AGO3: variants seen among roughly 807,000 people sequenced by gnomAD.
The protein encoded by AGO3 is argonaute RISC catalytic component 3, also known as protein argonaute-3.
AGO3 carries 16 observed loss-of-function variants against 105.5 expected under a neutral mutation model. The ratio of observed to expected loss-of-function variants is 0.15; its 90% confidence interval spans 0.10 to 0.23. The LOEUF (loss-of-function observed/expected upper bound fraction) is 0.23. Ranked by LOEUF, AGO3 falls within the 10% of genes least tolerant of loss-of-function variation. The pLI is 1.00. For synonymous variants in AGO3, 340 were observed against 367.3 expected (o/e 0.93, Z 0.85); for missense variants, 534 against 1,088.0 (o/e 0.49, Z 7.16).
intron 9 of AGO3, chr1:36,013,355 A>G (rs1392788870): frequency 7.7e-6 from 2 of 261,392 alleles, no homozygotes; most frequent in Non-Finnish European, 1.5e-5. Context: ...GATCACAGGC[A>G]TGAACTACCA....
chr1:35,943,972 A>T (rs1228119540), intron 1 of AGO3, among the ~76,000 whole-genome samples: 2 of 152,198 alleles, frequency 1.3e-5, no homozygotes, highest in Non-Finnish European at 2.9e-5. Context: ...TTCTTTTTTA[A>T]GGCTGAATAA....
chr1:36,013,569 G>A, intron 9 of AGO3, 61 bp from the exon 10 acceptor site: 1 of 1,600,378 alleles, frequency 6.2e-7, no homozygotes. Context: ...GGGTTCTAAT[G>A]CATTAAAGTA....
At chr1:35,973,898 A>T (rs889697419) in intron 5 of AGO3, among the ~76,000 whole-genome samples, 1 of 152,176 alleles carries the variant, frequency 6.6e-6, no homozygotes, top group Non-Finnish European at 1.5e-5. Context: ...TCTTAATGTG[A>T]TGCTAATTGC....
At chr1:35,969,834 A>T (rs1321557961) in intron 3 of AGO3, among the ~76,000 whole-genome samples, 1 of 152,230 alleles carries the variant, frequency 6.6e-6, no homozygotes, top group Non-Finnish European at 1.5e-5. Flanking sequence ...TACTGTAGGC[A>T]CTTGTAAGAC....
rs146624249 is a variant in AGO3 at position 35,952,439 on chromosome 1, G to A, written c.191+6576G>A. ...ATTACAGGGGTGAGCCACTGCATCC[G>A]GCCGGATATTTCTTATAAATGGAAT... On this transcript the variant is annotated intron_variant, in intron 2 of 18. Transcript: ENST00000373191. Among the ~76,000 whole-genome samples, 698 of 152,036 alleles carry A rather than the reference G, an allele frequency of 4.6e-3. 9 individuals carry two copies. The highest frequency in any genetic ancestry group is 0.016 in the African/African-American group (651 of 41,476).
At chr1:36,003,303 ACT>A (rs938091150) in intron 5 of AGO3, among the ~76,000 whole-genome samples, 8 of 152,018 alleles carry the variant, frequency 5.3e-5, no homozygotes, top group Non-Finnish European at 1.0e-4. Flanking sequence ...CATTGGTGAA[ACT>A]CTTCTAGTTC....
In AGO3 at chr1:36,062,273, G is replaced by T. The variant is rs780717138; in HGVS notation, c.*6528G>T. 5 of 147,354 alleles carry T rather than the reference G, an allele frequency of 3.4e-5. No homozygotes were observed. The highest frequency in any genetic ancestry group is 7.4e-5 in the Non-Finnish European group (5 of 67,538). 9.1% of individuals were successfully genotyped at this position (147,354 alleles called of 1,614,324 possible). A position where few individuals can be genotyped will look rare whatever the true frequency, so the allele number is the denominator to read the frequency against. On this transcript the variant is annotated 3_prime_UTR_variant, in exon 19 of 19. Coordinates refer to ENST00000373191, the MANE Select transcript of AGO3 (RefSeq NM_024852.4). ...CGCCTCCCGGGTTCAAGTGATTCTC[G>T]TGCCTCAGCCTCCCAAGTAGCTGGG...
chr1:35,978,451 C>G (rs1178564612), intron 5 of AGO3, among the ~76,000 whole-genome samples: 2 of 152,208 alleles, frequency 1.3e-5, no homozygotes, highest in Non-Finnish European at 2.9e-5. Flanking sequence ...CTCCGCCTTC[C>G]CAAGTGCTGG....
At chr1:35,985,106 A>C (rs1169009920) in intron 5 of AGO3, among the ~76,000 whole-genome samples, 1 of 151,968 alleles carries the variant, frequency 6.6e-6, no homozygotes, top group Non-Finnish European at 1.5e-5. Flanking sequence ...ACATGGTGAA[A>C]CCCTATTGCT....
At chr1:36,052,527 C>A (rs1416731334) in intron 17 of AGO3, among the ~76,000 whole-genome samples, 1 of 152,074 alleles carries the variant, frequency 6.6e-6, no homozygotes, top group Non-Finnish European at 1.5e-5. Context: ...TGTATATTTT[C>A]AAATAACCAG....
Position 36,056,596 on chromosome 1 carries a change from A to T in AGO3, c.*851A>T, listed in dbSNP as rs1642924061. 6.6e-6 allele frequency: 1 copy of T among 152,168 alleles called. No homozygotes were observed. The allele number at this position is 152,168 out of a possible 1,614,324, so 9.4% of individuals were successfully genotyped here. On this transcript the variant is annotated 3_prime_UTR_variant, in exon 19 of 19. Transcript: ENST00000373191. ...TATGTATACATACATACACAGACAC[A>T]GACACACACATATATATACATAAAA...
intron 17 of AGO3, among the ~76,000 whole-genome samples, chr1:36,044,800 A>G (rs1470787847): frequency 3.3e-5 from 5 of 152,208 alleles, no homozygotes; most frequent in Non-Finnish European, 7.3e-5. Flanking sequence ...AAACCTTTTC[A>G]TTAATGTGTT....
intron 11 of AGO3, among the ~76,000 whole-genome samples, chr1:36,020,306 ATTC>A (rs1641149723): frequency 6.6e-6 from 1 of 152,238 alleles, no homozygotes; most frequent in Non-Finnish European, 1.5e-5. Flanking sequence ...CATGGAGTTC[ATTC>A]AAATTATGTA....
rs181638760 is a variant in AGO3, at chr1:35,934,638, T to C, written c.19+3193T>C. ...GGTCCCAATTTAGTATTTAAAACAA[T>C]CTTCTTTTTATTTATTTATTTTTTT... On this transcript the variant is annotated intron_variant, in intron 1 of 18. Coordinates refer to ENST00000373191, the MANE Select transcript of AGO3 (RefSeq NM_024852.4). 2.0e-5 allele frequency among the ~76,000 whole-genome samples: 3 copies of C among 152,152 alleles called. No homozygotes were observed. The East Asian group carries it at 5.8e-4, about 29-fold the overall frequency.
In AGO3 at chr1:36,058,703, T is replaced by C. The variant is rs143155076; in HGVS notation, c.*2958T>C. 1 of 152,296 alleles carries C rather than the reference T, an allele frequency of 6.6e-6. No individual in the cohort carries two copies. Among genetic ancestry groups the C allele is most frequent in the Admixed American group, 6.5e-5 (1 of 15,290 alleles). 9.4% of individuals were successfully genotyped at this position (152,296 alleles called of 1,614,324 possible). ...TACTGTATTTTGTATGTTTATTATT[T>C]TGAAGTGTCTGAAATGCAATTTACA... On this transcript the variant is annotated 3_prime_UTR_variant, in exon 19 of 19. Transcript: ENST00000373191.
At chr1:36,006,062 A>G (rs924476099) in intron 6 of AGO3, among the ~76,000 whole-genome samples, 3 of 151,488 alleles carry the variant, frequency 2.0e-5, no homozygotes, top group African/African-American at 7.3e-5. Flanking sequence ...GGTGGGATCC[A>G]ATTGACAAAC....
intron 12 of AGO3, among the ~76,000 whole-genome samples, chr1:36,028,659 G>T (rs1444396233): frequency 1.3e-5 from 2 of 151,564 alleles, no homozygotes; most frequent in Middle Eastern, 3.2e-3. Context: ...TGGACATTTG[G>T]GTTGGTTCCA....
chr1:36,053,346 T>C (rs897038901), intron 17 of AGO3, among the ~76,000 whole-genome samples: 1 of 151,984 alleles, frequency 6.6e-6, no homozygotes, highest in Admixed American at 6.6e-5. Context: ...ACTGGTGCAG[T>C]CACGGCTTAC....
At chr1:36,015,179 G>A (rs925086786) in intron 11 of AGO3, among the ~76,000 whole-genome samples, 2 of 152,094 alleles carry the variant, frequency 1.3e-5, no homozygotes, top group African/African-American at 4.8e-5. Flanking sequence ...AGATAGATTC[G>A]TCTGATAGAG....
Sources: gnomAD v4.1 joint callset for allele counts (sites outside exome capture counted in the v4.1 genomes callset) on GRCh38, gnomAD v4.1.1 for gene constraint, MANE v1.5 for transcripts, NCBI Gene and HGNC (gene_info 2026-07-23, HGNC 2026-07-21) for gene names.